The following ATRNL1 variants were observed in gnomAD, a reference collection of about 807,000 sequenced individuals.
ATRNL1 encodes the protein attractin like 1.
In ATRNL1, 95 loss-of-function variants were observed where a neutral mutation model predicts 182.7. The observed-to-expected ratio is 0.52, with a 90% CI of 0.44 to 0.62. ATRNL1 has a LOEUF of 0.62. Ranked by LOEUF, ATRNL1 falls within the 20% of genes least tolerant of loss-of-function variation. The probability of loss-of-function intolerance (pLI) is 0.00; values close to 1 mark genes in which losing one functional copy is unlikely to be tolerated. For missense variants in ATRNL1, 1,471 were observed against 1,679.5 expected (o/e 0.88, Z 2.17); for synonymous variants, 576 against 568.3 (o/e 1.01, Z -0.19).
intron 27 of ATRNL1, among the ~76,000 whole-genome samples, chr10:115,830,065 C>A (rs1465664010): frequency 6.6e-6 from 1 of 152,206 alleles, no homozygotes; most frequent in East Asian, 1.9e-4. Context: ...CAGAATTCTC[C>A]TGCCCTAATA....
At chr10:115,346,753 A>G (rs1855994477) in intron 19 of ATRNL1, among the ~76,000 whole-genome samples, 1 of 152,080 alleles carries the variant, frequency 6.6e-6, no homozygotes, top group African/African-American at 2.4e-5. Flanking sequence ...GTTGAATTGA[A>G]AAAGTTCTAT....
intron 28 of ATRNL1, among the ~76,000 whole-genome samples, chr10:115,929,768 C>A (rs1460932075): frequency 6.6e-6 from 1 of 152,060 alleles, no homozygotes; most frequent in Non-Finnish European, 1.5e-5. Flanking sequence ...TTAGTATGAA[C>A]TTTTATCTCA....
intron 25 of ATRNL1, among the ~76,000 whole-genome samples, chr10:115,528,058 C>T (rs1171610420): frequency 2.1e-5 from 2 of 94,744 alleles, no homozygotes; most frequent in African/African-American, 6.7e-5. Context: ...TCCTTCCTTC[C>T]TTCCTTCCTT....
chr10:115,324,426 T>C (rs1345494479), intron 18 of ATRNL1, among the ~76,000 whole-genome samples: 1 of 152,216 alleles, frequency 6.6e-6, no homozygotes, highest in Non-Finnish European at 1.5e-5. Flanking sequence ...CCAATTCCTT[T>C]CTTGTAGTAT....
chr10:115,098,950 G>A (rs2085089700), intron 1 of ATRNL1, among the ~76,000 whole-genome samples: 2 of 152,104 alleles, frequency 1.3e-5, no homozygotes, highest in Admixed American at 1.3e-4. Context: ...AATTTAAAAT[G>A]TACAATTTAT....
At chr10:115,853,891 AT>A (rs1481612466) in intron 28 of ATRNL1, among the ~76,000 whole-genome samples, 1 of 152,230 alleles carries the variant, frequency 6.6e-6, no homozygotes, top group Non-Finnish European at 1.5e-5. Context: ...GTGTCAAAAA[AT>A]ATCTGATATT....
chr10:115,356,218 T>C (rs1398326748), intron 19 of ATRNL1, among the ~76,000 whole-genome samples: 17 of 152,064 alleles, frequency 1.1e-4, no homozygotes, highest in African/African-American at 2.9e-4. Flanking sequence ...CCAAATGAGG[T>C]TGAGCATTTC....
intron 13 of ATRNL1, among the ~76,000 whole-genome samples, chr10:115,270,011 T>C (rs116489130): frequency 0.012 from 1,776 of 152,002 alleles, 33 homozygotes; most frequent in African/African-American, 0.039. Flanking sequence ...AATAACAAGA[T>C]ATACTTCAAT....
intron 26 of ATRNL1, among the ~76,000 whole-genome samples, chr10:115,647,877 A>G (rs1001474312): frequency 9.9e-5 from 15 of 152,138 alleles, no homozygotes; most frequent in Non-Finnish European, 2.1e-4. Context: ...GCCCAGGCCT[A>G]TGTCCTGAAG....
chr10:115,843,687 G>T (rs1950862132), intron 27 of ATRNL1, among the ~76,000 whole-genome samples: 1 of 152,034 alleles, frequency 6.6e-6, no homozygotes, highest in Admixed American at 6.6e-5. Flanking sequence ...GTGATTAGAT[G>T]AGTATGTAGG....
chr10:115,713,700 TCTA>T (rs1565310770), intron 26 of ATRNL1, among the ~76,000 whole-genome samples: 1 of 130,630 alleles, frequency 7.7e-6, no homozygotes, highest in South Asian at 2.3e-4. Flanking sequence ...TATCTATCTA[TCTA>T]TCATCTATCT....
At chr10:115,920,952 G>T (rs1380743433) in intron 28 of ATRNL1, among the ~76,000 whole-genome samples, 2 of 152,168 alleles carry the variant, frequency 1.3e-5, no homozygotes, top group East Asian at 1.9e-4. Context: ...GAACTAAAAT[G>T]AGAAGTTAGA....
chr10:115,370,953 C>T (rs1857362909), intron 19 of ATRNL1, among the ~76,000 whole-genome samples: 1 of 152,130 alleles, frequency 6.6e-6, no homozygotes, highest in Non-Finnish European at 1.5e-5. Flanking sequence ...TGTGTCCAGT[C>T]TAGGGACTTG....
At chr10:115,094,499 T>C (rs1264776) in intron 1 of ATRNL1, among the ~76,000 whole-genome samples, 14,955 of 152,194 alleles carry the variant, frequency 0.098, 2,375 homozygotes, top group African/African-American at 0.33. Context: ...CTTTCCCCAT[T>C]CTCTTCTCTC....
At chr10:115,579,769 GT>G (rs370580564) in intron 26 of ATRNL1, among the ~76,000 whole-genome samples, 41 of 151,962 alleles carry the variant, frequency 2.7e-4, no homozygotes, top group African/African-American at 8.9e-4. Context: ...TTTGTTAACT[GT>G]TTTCTTTTTG....
At chr10:115,813,567 G>A (rs1950097040) in intron 27 of ATRNL1, among the ~76,000 whole-genome samples, 1 of 152,098 alleles carries the variant, frequency 6.6e-6, no homozygotes, top group African/African-American at 2.4e-5. Context: ...GTTGTACTTG[G>A]TATCCTTATG....
chr10:115,460,504 C>T (rs1171274094), intron 21 of ATRNL1, among the ~76,000 whole-genome samples: 2 of 152,020 alleles, frequency 1.3e-5, no homozygotes, highest in Non-Finnish European at 2.9e-5. Flanking sequence ...AAATACATTC[C>T]CTGTATTTGA....
chr10:115,505,527 C>A (rs1277443363), intron 24 of ATRNL1, among the ~76,000 whole-genome samples: 1 of 151,840 alleles, frequency 6.6e-6, no homozygotes, highest in Non-Finnish European at 1.5e-5. Context: ...AACAGAAGTT[C>A]CTCCCCAAAA....
intron 13 of ATRNL1, among the ~76,000 whole-genome samples, chr10:115,273,991 A>G (rs1356014617): frequency 1.3e-5 from 2 of 152,212 alleles, no homozygotes; most frequent in African/African-American, 4.8e-5. Context: ...ACCCATGGTT[A>G]AACATTCAGT....
Sources: allele counts gnomAD v4.1 joint callset (sites outside exome capture counted in the v4.1 genomes callset), GRCh38; gene constraint gnomAD v4.1.1; transcripts MANE v1.5; gene names NCBI Gene and HGNC (gene_info 2026-07-23, HGNC 2026-07-21).